MTUS2: variants seen among roughly 807,000 people sequenced by gnomAD.
MTUS2 encodes microtubule associated scaffold protein 2.
In MTUS2, 40 loss-of-function variants were observed where a neutral mutation model predicts 114.1. That is an observed-to-expected ratio of 0.35 (90% confidence interval 0.27 to 0.46). MTUS2 has a LOEUF of 0.46. Among genes scored for constraint, MTUS2 ranks in the 20% least tolerant of loss-of-function variants. The pLI is 1.00. For missense variants in MTUS2, 1,679 were observed against 1,705.4 expected, an observed-to-expected ratio of 0.98 and a Z score of 0.27; for synonymous variants, 688 against 672.0, an observed-to-expected ratio of 1.02 and a Z score of -0.37.
chr13:29,281,307 A>G (rs1402519691), intron 5 of MTUS2, among the ~76,000 whole-genome samples: 3 of 152,178 alleles, frequency 2.0e-5, no homozygotes, highest in Non-Finnish European at 4.4e-5. Flanking sequence ...CTGTATTTCA[A>G]AAATAAAAGG....
intron 4 of MTUS2, among the ~76,000 whole-genome samples, chr13:29,045,599 G>A (rs373949817): frequency 1.3e-5 from 2 of 152,212 alleles, no homozygotes; most frequent in South Asian, 4.1e-4. Context: ...TGGATTTCAA[G>A]TCCTAAAGAA....
chr13:29,076,082 T>TG (rs1889180875), intron 4 of MTUS2, among the ~76,000 whole-genome samples: 1 of 152,200 alleles, frequency 6.6e-6, no homozygotes. Flanking sequence ...GTAACATTGT[T>TG]GCTCAATTTT....
intron 6 of MTUS2, among the ~76,000 whole-genome samples, chr13:29,283,270 A>T (rs1480458250): frequency 6.6e-6 from 1 of 152,120 alleles, no homozygotes; most frequent in African/African-American, 2.4e-5. Flanking sequence ...TTAAGACTTA[A>T]ATTGGCTCAT....
chr13:29,300,246 C>T (rs1899139369), intron 6 of MTUS2, among the ~76,000 whole-genome samples: 1 of 152,118 alleles, frequency 6.6e-6, no homozygotes, highest in Non-Finnish European at 1.5e-5. Context: ...TAATATTAAG[C>T]CCCCTGTAGG....
chr13:28,844,265 A>G (rs974889885), intron 2 of MTUS2, among the ~76,000 whole-genome samples: 14 of 152,330 alleles, frequency 9.2e-5, no homozygotes, highest in Admixed American at 9.1e-4. Flanking sequence ...TCTAGGAGAT[A>G]GGAGAATGAA....
intron 8 of MTUS2, among the ~76,000 whole-genome samples, chr13:29,377,357 C>A (rs1386263323): frequency 2.0e-5 from 3 of 152,146 alleles, no homozygotes; most frequent in African/African-American, 7.2e-5. Flanking sequence ...GGTCCTAAAA[C>A]TAACAAATTT....
intron 5 of MTUS2, among the ~76,000 whole-genome samples, chr13:29,184,863 C>A (rs1182343651): frequency 2.6e-5 from 4 of 151,800 alleles, no homozygotes; most frequent in Middle Eastern, 3.2e-3. Flanking sequence ...ATGAGACATG[C>A]AAAAATAAAG....
chr13:29,381,262 G>T (rs187786121), intron 8 of MTUS2, among the ~76,000 whole-genome samples: 2 of 152,116 alleles, frequency 1.3e-5, no homozygotes, highest in Non-Finnish European at 2.9e-5. Context: ...AGAGTGAGAA[G>T]AAAGTTTGCA....
At chr13:29,310,141 A>G (rs1371635042) in intron 6 of MTUS2, among the ~76,000 whole-genome samples, 1 of 152,122 alleles carries the variant, frequency 6.6e-6, no homozygotes, top group Non-Finnish European at 1.5e-5. Flanking sequence ...TGTTAGTTTT[A>G]TGCTAAGCGC....
At chr13:29,071,106 G>A (rs538679909) in intron 4 of MTUS2, among the ~76,000 whole-genome samples, 2 of 151,762 alleles carry the variant, frequency 1.3e-5, no homozygotes, top group Admixed American at 6.6e-5. Context: ...CCGGGTTCAA[G>A]CGATTCTCCT....
chr13:29,385,689 T>C (rs2138388384), intron 8 of MTUS2, among the ~76,000 whole-genome samples: 1 of 152,256 alleles, frequency 6.6e-6, no homozygotes, highest in East Asian at 1.9e-4. Flanking sequence ...CAAATGATTG[T>C]CTGGGTAGAG....
chr13:29,465,251 C>G (rs1879803449), intron 9 of MTUS2, among the ~76,000 whole-genome samples: 1 of 152,102 alleles, frequency 6.6e-6, no homozygotes, highest in Non-Finnish European at 1.5e-5. Flanking sequence ...ATGAATTATC[C>G]CATTTAAACC....
intron 5 of MTUS2, among the ~76,000 whole-genome samples, chr13:29,202,174 C>A (rs1359125002): frequency 1.3e-5 from 2 of 152,236 alleles, no homozygotes; most frequent in East Asian, 3.9e-4. Context: ...TTCACATAGT[C>A]CCATATTTCT....
intron 2 of MTUS2, among the ~76,000 whole-genome samples, chr13:28,913,596 A>G (rs1880576787): frequency 6.6e-6 from 1 of 151,882 alleles, no homozygotes. Context: ...TATCTCTGAT[A>G]TCTAGTTTGG....
chr13:28,996,221 A>AC (rs1222200869), intron 2 of MTUS2, among the ~76,000 whole-genome samples: 1 of 152,264 alleles, frequency 6.6e-6, no homozygotes, highest in Admixed American at 6.5e-5. Context: ...CGTATGTTGA[A>AC]CCAGCCTCGC....
chr13:29,099,725 T>C (rs1016979325), intron 4 of MTUS2, among the ~76,000 whole-genome samples: 11 of 152,154 alleles, frequency 7.2e-5, no homozygotes, highest in Non-Finnish European at 1.5e-4. Flanking sequence ...TGGTGAACGT[T>C]GTTAAAGGAA....
intron 14 of MTUS2, among the ~76,000 whole-genome samples, 161 bp downstream of exon 14, chr13:29,498,698 G>GCT (rs1882706912): frequency 1.3e-5 from 2 of 152,252 alleles, no homozygotes; most frequent in South Asian, 4.1e-4. Context: ...GAATCCAGGA[G>GCT]CTCTCATAAG....
chr13:29,454,672 A>T (rs1172138264), intron 9 of MTUS2, among the ~76,000 whole-genome samples: 1 of 152,194 alleles, frequency 6.6e-6, no homozygotes, highest in Admixed American at 6.5e-5. Context: ...CAATTTTAGA[A>T]AGCCAAAATT....
intron 9 of MTUS2, among the ~76,000 whole-genome samples, chr13:29,469,766 C>T (rs1880140489): frequency 6.6e-6 from 1 of 151,844 alleles, no homozygotes; most frequent in Non-Finnish European, 1.5e-5. Context: ...ATGATTGTGC[C>T]ACTGCACTCC....
Sources: gnomAD v4.1 joint callset for allele counts (sites outside exome capture counted in the v4.1 genomes callset) on GRCh38, gnomAD v4.1.1 for gene constraint, MANE v1.5 for transcripts, NCBI Gene and HGNC (gene_info 2026-07-23, HGNC 2026-07-21) for gene names.